KALRN: variants seen among roughly 807,000 people sequenced by gnomAD.
KALRN encodes kalirin RhoGEF kinase.
KALRN carries 70 observed loss-of-function variants against 353.7 expected under a neutral mutation model. That is an observed-to-expected ratio of 0.20 (90% CI 0.16 to 0.24). The LOEUF (loss-of-function observed/expected upper bound fraction) is 0.24, where lower values mean the gene tolerates loss of function less well. Among genes scored for constraint, KALRN ranks in the 10% least tolerant of loss-of-function variants. KALRN has a pLI of 1.00. For missense variants in KALRN, 2,791 were observed against 3,756.7 expected, an observed-to-expected ratio of 0.74 and a Z score of 6.72; for synonymous variants, 1,391 against 1,434.8, an observed-to-expected ratio of 0.97 and a Z score of 0.69.
At chr3:124,377,057 A>G (rs2086687427) in intron 10 of KALRN, among the ~76,000 whole-genome samples, 1 of 152,190 alleles carries the variant, frequency 6.6e-6, no homozygotes, top group African/African-American at 2.4e-5. Flanking sequence ...TTGGAGAAGT[A>G]CATGTTTCAG....
Position 124,490,702 on chromosome 3 carries a change from G to A in KALRN, c.4405G>A (p.Glu1469Lys), listed in dbSNP as rs753934958. Residue 1469 changes from glutamate (E) to lysine (K), a missense_variant, in exon 30 of 60, where the codon GAG becomes AAG. Glu to Lys is a moderately conservative substitution (Grantham distance 56). Transcript: ENST00000682506. ...AAATGGATGTTTTTCAGGGTTCGAC[G>A]AGAACCTGGATGTGCAGGGGGAGTT... ...MHVSMLEGFD[E>K]NLDVQGELIL... The A allele has an allele frequency of 1.2e-6, 2 of 1,612,634 alleles. No individual in the cohort carries two copies. The highest frequency in any genetic ancestry group is 1.1e-5 in the South Asian group (1 of 90,978).
chr3:124,235,625 G>A (rs971764958), intron 3 of KALRN, among the ~76,000 whole-genome samples: 1 of 150,066 alleles, frequency 6.7e-6, no homozygotes, highest in Non-Finnish European at 1.5e-5. Flanking sequence ...GGGGCTGACA[G>A]GGGATGTGTG....
chr3:124,145,570 C>T (rs2067229295), intron 1 of KALRN, among the ~76,000 whole-genome samples: 1 of 152,234 alleles, frequency 6.6e-6, no homozygotes, highest in Admixed American at 6.5e-5. Flanking sequence ...AAAGGTGTGA[C>T]TTGCAGTCAC....
chr3:124,208,835 A>G (rs2076648163), intron 1 of KALRN, among the ~76,000 whole-genome samples: 1 of 151,884 alleles, frequency 6.6e-6, no homozygotes, highest in Non-Finnish European at 1.5e-5. Context: ...GTGTGGTGGT[A>G]CATGCCTGTA....
chr3:124,319,228 G>T (rs1266687190), intron 6 of KALRN, among the ~76,000 whole-genome samples: 1 of 151,844 alleles, frequency 6.6e-6, no homozygotes, highest in East Asian at 1.9e-4. Flanking sequence ...TAGTTTGGGA[G>T]GCTGAGAAGA....
At chr3:124,645,992 TA>T (rs1203753697) in intron 37 of KALRN, among the ~76,000 whole-genome samples, 1 of 152,196 alleles carries the variant, frequency 6.6e-6, no homozygotes, top group African/African-American at 2.4e-5. Flanking sequence ...TTTTTATTTT[TA>T]TTTTTTTGCT....
chr3:124,515,500 G>C (rs1281322513), intron 33 of KALRN, among the ~76,000 whole-genome samples: 1 of 152,188 alleles, frequency 6.6e-6, no homozygotes, highest in African/African-American at 2.4e-5. Context: ...TCTGATGTTG[G>C]AGTGATTGGC....
At chr3:124,293,835 A>G (rs566500275) in intron 5 of KALRN, among the ~76,000 whole-genome samples, 13 of 152,294 alleles carry the variant, frequency 8.5e-5, no homozygotes, top group African/African-American at 2.9e-4. Context: ...CTTTGGAGAT[A>G]TTTTTAGTTT....
At chr3:124,309,587 C>T (rs1461364426) in intron 6 of KALRN, among the ~76,000 whole-genome samples, 1 of 151,902 alleles carries the variant, frequency 6.6e-6, no homozygotes, top group Non-Finnish European at 1.5e-5. Flanking sequence ...AAACAAAATC[C>T]AGCAACATAT....
chr3:124,627,847 T>G (rs529656422), intron 34 of KALRN, among the ~76,000 whole-genome samples: 1 of 152,250 alleles, frequency 6.6e-6, no homozygotes, highest in African/African-American at 2.4e-5. Context: ...TACAGCTTTT[T>G]CCTTAAAGAG....
intron 37 of KALRN, among the ~76,000 whole-genome samples, chr3:124,649,291 C>T (rs1357574307): frequency 6.6e-6 from 1 of 152,200 alleles, no homozygotes; most frequent in African/African-American, 2.4e-5. Flanking sequence ...AATAGAGCAA[C>T]TGAGAGCATC....
At chr3:124,626,961 T>G (rs2080028231) in intron 34 of KALRN, among the ~76,000 whole-genome samples, 1 of 152,230 alleles carries the variant, frequency 6.6e-6, no homozygotes, top group Non-Finnish European at 1.5e-5. Context: ...AAATAACACC[T>G]GCCTGGACTT....
At position 124,670,030 on chromosome 3, in the gene KALRN, C is replaced by T. The variant is rs185692430; in HGVS notation, c.6704-1630C>T. Among the ~76,000 whole-genome samples the T allele has an allele frequency of 4.7e-4, 71 of 149,544 alleles. 1 individual carries two copies. The highest frequency in any genetic ancestry group is 2.0e-4 in the East Asian group (1 of 5,102). ...TGTCGCCCAGGCTGGAGTGCAGTGG[C>T]GCAATCTCAGTTCACTGCAAATCTC... On this transcript the variant is annotated intron_variant, in intron 47 of 59. Transcript: ENST00000682506.
rs562160498 is a variant in KALRN, at chr3:124,380,268, G to A, written c.1771-4577G>A. Among the ~76,000 whole-genome samples the A allele has an allele frequency of 9.8e-4, 150 of 152,308 alleles. 2 individuals carry two copies. The South Asian group carries it at 0.011, about 11-fold the overall frequency. On this transcript the variant is annotated intron_variant, in intron 10 of 59. Coordinates refer to ENST00000682506, the MANE Select transcript of KALRN (RefSeq NM_001388419.1). ...CATACCTGTATTGCTGGAATTCAGA[G>A]ACAAATTATCCTAGAATGTTCTGTT...
At chr3:124,471,387 G>A (rs1452783486) in intron 25 of KALRN, among the ~76,000 whole-genome samples, 1 of 151,654 alleles carries the variant, frequency 6.6e-6, no homozygotes, top group African/African-American at 2.4e-5. Context: ...CCAGGTTCAA[G>A]CGATTCTCCT....
chr3:124,334,532 C>A lies in KALRN; in HGVS notation c.1647+37C>A. The A allele has an allele frequency of 6.7e-7, 1 of 1,484,554 alleles. No homozygotes were observed. The allele number at this position is 1,484,554 out of a possible 1,614,324, so 92.0% of individuals were successfully genotyped here. A position where few individuals can be genotyped will look rare whatever the true frequency, so the allele number is the denominator to read the frequency against. On this transcript the variant is annotated intron_variant, in intron 9 of 59. Coordinates refer to ENST00000682506, the MANE Select transcript of KALRN (RefSeq NM_001388419.1). This position sits in a 1 kb window ranked among gnomAD's most constrained non-coding sequence, Gnocchi z 4.2. Reference sequence around the variant, plus strand: ...TGAGCCCCGGTGTCCATTATCCATTCTAGGAGGCAGACCGAGCTCAAGTCC... The same window carrying A: ...TGAGCCCCGGTGTCCATTATCCATTATAGGAGGCAGACCGAGCTCAAGTCC...
chr3:124,637,137 G>C, intron 36 of KALRN, 71 bp from the exon 37 acceptor site: 2 of 1,285,898 alleles, frequency 1.6e-6, no homozygotes, highest in South Asian at 2.4e-5. Context: ...TGGACTTTCT[G>C]TTTTATTTCC....
intron 33 of KALRN, among the ~76,000 whole-genome samples, chr3:124,557,591 C>A (rs1171332921): frequency 6.6e-6 from 1 of 152,172 alleles, no homozygotes; most frequent in Non-Finnish European, 1.5e-5. Flanking sequence ...TATGCTCCAG[C>A]TTTACATTTT....
At position 124,719,954 on chromosome 3, in the gene KALRN, T is replaced by C. The variant is rs2063320326; in HGVS notation, c.*484T>C. Reference sequence around the variant, plus strand: ...ATAGATACCCACATACAGTATAATATATCCCATTCAGGTTTCAGAGTTTTC... The same window carrying C: ...ATAGATACCCACATACAGTATAATACATCCCATTCAGGTTTCAGAGTTTTC... On this transcript the variant is annotated 3_prime_UTR_variant, in exon 60 of 60. Transcript: ENST00000682506. This position sits in a 1 kb window ranked among gnomAD's most constrained non-coding sequence, Gnocchi z 5.3. 6.4e-6 allele frequency: 1 copy of C among 155,200 alleles called. No homozygotes were observed. The highest frequency in any genetic ancestry group is 6.3e-5 in the Admixed American group (1 of 16,000). 9.6% of individuals were successfully genotyped at this position (155,200 alleles called of 1,614,324 possible).
Sources: allele counts gnomAD v4.1 joint callset (sites outside exome capture counted in the v4.1 genomes callset), GRCh38; gene constraint gnomAD v4.1.1; non-coding constraint Gnocchi (gnomAD v3.1); transcripts MANE v1.5; gene names NCBI Gene and HGNC (gene_info 2026-07-23, HGNC 2026-07-21).